The following NAA25 variants were observed in gnomAD, a reference collection of about 807,000 sequenced individuals.
NAA25 encodes N-terminal acetyltransferase B complex subunit NAA25.
A neutral mutation model predicts 132.5 loss-of-function variants in NAA25; 30 were observed. The ratio of observed to expected loss-of-function variants is 0.23; its 90% CI spans 0.17 to 0.31. The LOEUF (loss-of-function observed/expected upper bound fraction) is 0.31, where lower values mean the gene tolerates loss of function less well. Among genes scored for constraint, NAA25 ranks in the 10% least tolerant of loss-of-function variants. The probability of loss-of-function intolerance (pLI) is 1.00; values close to 1 mark genes in which losing one functional copy is unlikely to be tolerated. For missense variants in NAA25, 771 were observed against 1,150.4 expected (o/e 0.67, Z 4.77); for synonymous variants, 359 against 401.9 (o/e 0.89, Z 1.28).
At chr12:112,040,895 G>A (rs1310727442) in intron 20 of NAA25, among the ~76,000 whole-genome samples, 1 of 152,182 alleles carries the variant, frequency 6.6e-6, no homozygotes, top group Non-Finnish European at 1.5e-5. Context: ...GAATGATTCA[G>A]AGGACTTATG....
At chr12:112,095,587 C>T (rs1295533022) in intron 1 of NAA25, among the ~76,000 whole-genome samples, 1 of 143,600 alleles carries the variant, frequency 7.0e-6, no homozygotes, top group African/African-American at 2.6e-5. Flanking sequence ...AGAGCAAGAC[C>T]TTGTCTCAAA....
Position 112,054,501 on chromosome 12 carries a change from A to G in NAA25, c.1515T>C (p.Asn505=). The G allele has an allele frequency of 6.2e-7, 1 of 1,614,172 alleles. No homozygotes were observed. Among genetic ancestry groups the G allele is most frequent in the Non-Finnish European group, 8.5e-7 (1 of 1,180,018 alleles). ...GAACAAGCAGCAATTTGAACTGAGC[A>G]TTGGAAGGGCTATGGGTTAATCCCT... The part of the protein sequence containing the change: ...LEEGLTHSPS[N]AQFKLLLVRI... Residue 505 remains asparagine (N), a synonymous_variant, in exon 14 of 24, where the codon AAT becomes AAC. Coordinates refer to ENST00000261745, the MANE Select transcript of NAA25 (RefSeq NM_024953.4).
intron 22 of NAA25, among the ~76,000 whole-genome samples, chr12:112,037,440 G>A (rs920254851): frequency 3.4e-5 from 5 of 146,280 alleles, no homozygotes; most frequent in East Asian, 4.2e-4. Flanking sequence ...TTTGGGACAC[G>A]TCAATGTAAT....
At chr12:112,051,589 C>T (rs76065456) in intron 15 of NAA25, among the ~76,000 whole-genome samples, 2,313 of 152,146 alleles carry the variant, frequency 0.015, 69 homozygotes, top group African/African-American at 0.053. Context: ...ATCTTCTTAG[C>T]GGTAATCAAA....
At chr12:112,079,163 TA>T (rs1472137589) in intron 5 of NAA25, among the ~76,000 whole-genome samples, 2 of 152,220 alleles carry the variant, frequency 1.3e-5, no homozygotes, top group African/African-American at 2.4e-5. Context: ...AGTAGCTAGT[TA>T]CCTTAAATTG....
chr12:112,099,668 GATGCAGGCAGCAGCAGGCCTGGACAC>G (rs1271549126), intron 1 of NAA25, among the ~76,000 whole-genome samples: 8 of 152,184 alleles, frequency 5.3e-5, no homozygotes, highest in African/African-American at 1.9e-4. Context: ...AGTCCTTGGA[GATGCAGGCAGCAGCAGGCCTGGACAC>G]ATGCAGGCCT....
At chr12:112,031,945 C>G (rs990677648) in intron 23 of NAA25, among the ~76,000 whole-genome samples, 1 of 151,552 alleles carries the variant, frequency 6.6e-6, no homozygotes, top group Non-Finnish European at 1.5e-5. Context: ...TCACTAGGTT[C>G]AATATGAACA....
chr12:112,073,311 A>G (rs760884326), intron 9 of NAA25, among the ~76,000 whole-genome samples: 27 of 152,254 alleles, frequency 1.8e-4, no homozygotes, highest in Non-Finnish European at 3.5e-4. Flanking sequence ...GGGGTCTTGT[A>G]CATTTTATTG....
intron 10 of NAA25, among the ~76,000 whole-genome samples, chr12:112,071,435 G>C (rs889176083): frequency 3.9e-5 from 6 of 152,124 alleles, no homozygotes; most frequent in African/African-American, 1.4e-4. Context: ...GGACTCAAGA[G>C]ACTCTCCTGC....
intron 23 of NAA25, among the ~76,000 whole-genome samples, chr12:112,031,216 G>C (rs2078145508): frequency 6.6e-6 from 1 of 152,184 alleles, no homozygotes; most frequent in Non-Finnish European, 1.5e-5. Flanking sequence ...AAGGGAATCA[G>C]GACTAGAGGT....
At chr12:112,048,096 T>G (rs1321520864) in intron 16 of NAA25, among the ~76,000 whole-genome samples, 196 bp downstream of exon 16, 1 of 152,140 alleles carries the variant, frequency 6.6e-6, no homozygotes. Flanking sequence ...ATGGCTTCTG[T>G]AATGGTCTCA....
intron 23 of NAA25, among the ~76,000 whole-genome samples, chr12:112,032,843 G>A (rs1023743938): frequency 6.6e-6 from 1 of 152,144 alleles, no homozygotes; most frequent in South Asian, 2.1e-4. Flanking sequence ...TACTTCTCAT[G>A]TCCAGCATTT....
intron 3 of NAA25, among the ~76,000 whole-genome samples, chr12:112,089,179 T>C (rs1197129969): frequency 1.3e-5 from 2 of 152,144 alleles, no homozygotes; most frequent in Non-Finnish European, 2.9e-5. Context: ...GGCAGGCGGA[T>C]TGCTTGAGCC....
intron 11 of NAA25, 97 bp downstream of exon 11, chr12:112,068,783 C>T (rs1400961189): frequency 3.0e-6 from 2 of 666,822 alleles, no homozygotes; most frequent in African/African-American, 3.6e-5. Flanking sequence ...TCATGATTAT[C>T]AATTCCGCAC....
At position 112,038,636 on chromosome 12, in the gene NAA25, G is replaced by T. The variant is rs144804524; in HGVS notation, c.2649+593C>A. ...ATATGCAGGGATGTCCAATCTTCTG[G>T]CTTCCCTGGGCCACACTGGAAGAAG... On this transcript the variant is annotated intron_variant, in intron 22 of 23. Coordinates refer to ENST00000261745, the MANE Select transcript of NAA25 (RefSeq NM_024953.4). Among the ~76,000 whole-genome samples, 760 of 152,172 alleles carry T rather than the reference G, an allele frequency of 5.0e-3. 3 individuals carry two copies. The highest frequency in any genetic ancestry group is 0.015 in the South Asian group (73 of 4,818).
At position 112,100,000 on chromosome 12, in the gene NAA25, G is replaced by A. The variant is rs2079269612; in HGVS notation, c.59-6864C>T. ...TATCCTTTACTTAAAAATTCTAAAA[G>A]TTGGAGAATAGGAGCCTTGCTTTTA... On this transcript the variant is annotated intron_variant, in intron 1 of 23. Coordinates refer to ENST00000261745, the MANE Select transcript of NAA25 (RefSeq NM_024953.4). 2.0e-5 allele frequency among the ~76,000 whole-genome samples: 3 copies of A among 152,238 alleles called. No individual in the cohort carries two copies. In the South Asian group the frequency reaches 6.2e-4, roughly 32 times the overall value.
intron 1 of NAA25, among the ~76,000 whole-genome samples, chr12:112,097,055 G>C (rs373600246): frequency 1.9e-4 from 29 of 152,136 alleles, no homozygotes; most frequent in Admixed American, 1.2e-3. Context: ...CCCTGCTGAA[G>C]GGGTAGGACT....
intron 15 of NAA25, among the ~76,000 whole-genome samples, chr12:112,052,381 C>T (rs1053492703): frequency 2.0e-5 from 3 of 152,084 alleles, no homozygotes; most frequent in South Asian, 2.1e-4. Flanking sequence ...AAAATGAGGT[C>T]TGAACGGAGA....
chr12:112,097,606 C>CAAAA (rs777633329), intron 1 of NAA25, among the ~76,000 whole-genome samples: 1 of 52,778 alleles, frequency 1.9e-5, no homozygotes. Context: ...GACTCCGTCT[C>CAAAA]AAAAAAAAAA....
Sources: gnomAD v4.1 joint callset for allele counts (sites outside exome capture counted in the v4.1 genomes callset) on GRCh38, gnomAD v4.1.1 for gene constraint, MANE v1.5 for transcripts, NCBI Gene and HGNC (gene_info 2026-07-23, HGNC 2026-07-21) for gene names.